WSCD1: variants seen among roughly 807,000 people sequenced by gnomAD.
WSCD1 encodes the protein sialate:O-sulfotransferase 1.
A neutral mutation model predicts 60.4 loss-of-function variants in WSCD1; 41 were observed. The ratio of observed to expected loss-of-function variants is 0.68; its 90% CI spans 0.53 to 0.88. The LOEUF (loss-of-function observed/expected upper bound fraction) is 0.88, where lower values mean the gene tolerates loss of function less well. WSCD1 is among the 40% of genes least tolerant of loss of function. WSCD1 has a pLI of 0.00. For synonymous variants in WSCD1, 361 were observed against 332.5 expected (o/e 1.09, Z -0.93); for missense variants, 784 against 796.2 (o/e 0.98, Z 0.18).
intron 7 of WSCD1, among the ~76,000 whole-genome samples, chr17:6,115,541 G>A (rs1911645016): frequency 6.6e-6 from 1 of 152,098 alleles, no homozygotes; most frequent in Non-Finnish European, 1.5e-5. Context: ...GTATTTCTCT[G>A]TTGTCAAGCA....
In WSCD1 at chr17:6,090,429, G is replaced by C; in HGVS notation, c.651G>C (p.Glu217Asp). ...LEECNHECKG[E>D]KGSVCGAVDR... ...AGTGTAACCATGAGTGCAAAGGCGA[G>C]AAGGGCTCTGTGTGCGGGGCTGTGG... Residue 217 changes from glutamate to aspartate, a missense_variant, in exon 4 of 9, where the codon GAG becomes GAC. Physicochemically the swap from Glu to Asp is conservative, Grantham distance 45. Coordinates refer to ENST00000317744, the MANE Select transcript of WSCD1 (RefSeq NM_015253.2). 2 of 1,613,266 alleles carry C rather than the reference G, an allele frequency of 1.2e-6. No homozygotes were observed. The highest frequency in any genetic ancestry group is 1.7e-4 in the Middle Eastern group (1 of 6,058).
chr17:6,116,209 A>G (rs1049574115), intron 7 of WSCD1, among the ~76,000 whole-genome samples: 2 of 152,148 alleles, frequency 1.3e-5, no homozygotes, highest in African/African-American at 2.4e-5. Flanking sequence ...TTCATCTCCA[A>G]GGCCCTTACC....
chr17:6,092,407 C>T (rs1224169277), intron 4 of WSCD1, among the ~76,000 whole-genome samples: 2 of 152,058 alleles, frequency 1.3e-5, no homozygotes, highest in Non-Finnish European at 2.9e-5. Context: ...TCTGGGAGCT[C>T]AGGGGTCCAG....
chr17:6,096,626 G>A (rs534281621), intron 5 of WSCD1, among the ~76,000 whole-genome samples: 4 of 152,246 alleles, frequency 2.6e-5, no homozygotes, highest in African/African-American at 7.2e-5. Flanking sequence ...GAGCCAAAAA[G>A]GCAGTTTGTT....
At chr17:6,091,515 C>T (rs1442148032) in intron 4 of WSCD1, among the ~76,000 whole-genome samples, 1 of 152,114 alleles carries the variant, frequency 6.6e-6, no homozygotes, top group Non-Finnish European at 1.5e-5. Context: ...GAATTGGACC[C>T]TGAAGGGGCC....
intron 4 of WSCD1, among the ~76,000 whole-genome samples, chr17:6,092,681 A>G (rs747122787): frequency 6.6e-5 from 10 of 152,052 alleles, no homozygotes; most frequent in Admixed American, 1.3e-4. Flanking sequence ...CCTGCCCCCA[A>G]GTAAGACCAA....
rs1030064972 is a variant in WSCD1 at position 6,105,222 on chromosome 17, C to G, written c.850-4385C>G. On this transcript the variant is annotated intron_variant, in intron 5 of 8. Transcript: ENST00000317744. ...CACTAGCCGTGCGTCCAGACCGACC[C>G]AGGCTCAGGCTGTAGATGCAGGATC... Among the ~76,000 whole-genome samples the G allele has an allele frequency of 6.0e-4, 91 of 152,178 alleles. 1 individual carries two copies. The highest frequency in any genetic ancestry group is 9.4e-4 in the Non-Finnish European group (64 of 68,030).
intron 1 of WSCD1, among the ~76,000 whole-genome samples, chr17:6,074,751 G>C (rs918263271): frequency 6.6e-6 from 1 of 152,274 alleles, no homozygotes; most frequent in Non-Finnish European, 1.5e-5. Context: ...GAGGGTGCTT[G>C]ACGCCTCTCT....
intron 1 of WSCD1, among the ~76,000 whole-genome samples, chr17:6,077,456 A>C (rs1179900225): frequency 6.6e-6 from 1 of 152,138 alleles, no homozygotes; most frequent in Non-Finnish European, 1.5e-5. Flanking sequence ...TGATTTTAAA[A>C]GTTGGGAGTG....
chr17:6,098,377 T>A (rs534595890), intron 5 of WSCD1, among the ~76,000 whole-genome samples: 1 of 152,222 alleles, frequency 6.6e-6, no homozygotes, highest in Non-Finnish European at 1.5e-5. Flanking sequence ...TAAATCCAGA[T>A]TGCTGCAGTT....
At chr17:6,087,562 G>A (rs1268794475) in intron 2 of WSCD1, among the ~76,000 whole-genome samples, 1 of 152,128 alleles carries the variant, frequency 6.6e-6, no homozygotes, top group Non-Finnish European at 1.5e-5. Flanking sequence ...CTTCTCTCTG[G>A]CCCCCAAGGA....
intron 1 of WSCD1, among the ~76,000 whole-genome samples, chr17:6,071,683 C>T (rs562378881): frequency 6.6e-6 from 1 of 152,222 alleles, no homozygotes; most frequent in Non-Finnish European, 1.5e-5. Flanking sequence ...TTGTCAGGCA[C>T]AGAAAGTGAG....
rs961267997 is a variant in WSCD1 at position 6,074,295 on chromosome 17, C to A, written c.-289+3643C>A. On this transcript the variant is annotated intron_variant, in intron 1 of 8. Coordinates refer to ENST00000317744, the MANE Select transcript of WSCD1 (RefSeq NM_015253.2). ...TTGCATTTCCCAGACCTTGTTCCCCCAAAGGGCCCAACAGATTTTTGTTTA... is the reference window on the plus strand; with the variant it reads ...TTGCATTTCCCAGACCTTGTTCCCCAAAAGGGCCCAACAGATTTTTGTTTA... Among the ~76,000 whole-genome samples, 6 of 152,332 alleles carry A rather than the reference C, an allele frequency of 3.9e-5. No homozygotes were observed. The East Asian group carries it at 9.7e-4, about 25-fold the overall frequency.
intron 7 of WSCD1, among the ~76,000 whole-genome samples, chr17:6,111,607 A>G (rs934188940): frequency 6.6e-6 from 1 of 150,492 alleles, no homozygotes; most frequent in Non-Finnish European, 1.5e-5. Flanking sequence ...AGGCTGAGGC[A>G]GGAGAATTGC....
chr17:6,073,221 G>A (rs1040396700), intron 1 of WSCD1, among the ~76,000 whole-genome samples: 3 of 152,192 alleles, frequency 2.0e-5, no homozygotes, highest in African/African-American at 2.4e-5. Context: ...TCACTCCGTG[G>A]GGTTTCAACA....
intron 6 of WSCD1, 49 bp downstream of exon 6, chr17:6,109,815 G>T: frequency 6.3e-7 from 1 of 1,588,940 alleles, no homozygotes; most frequent in Non-Finnish European, 8.6e-7. Context: ...TGGGGGGTGG[G>T]GAGAGCTTCC....
intron 7 of WSCD1, among the ~76,000 whole-genome samples, 180 bp downstream of exon 7, chr17:6,111,115 G>A (rs983783839): frequency 6.6e-5 from 10 of 152,020 alleles, no homozygotes; most frequent in African/African-American, 1.7e-4. Flanking sequence ...AGACCAGCCC[G>A]CCTGGTGGTC....
At chr17:6,072,849 A>G (rs540544874) in intron 1 of WSCD1, among the ~76,000 whole-genome samples, 1 of 152,312 alleles carries the variant, frequency 6.6e-6, no homozygotes, top group African/African-American at 2.4e-5. Context: ...CACTTGGAGA[A>G]TGTGGTCAGG....
At position 6,095,076 on chromosome 17, in the gene WSCD1, C is replaced by G. The variant is rs1424871858; in HGVS notation, c.728-26C>G. The stretch of plus-strand genomic sequence containing the variant: ...ACCAACAACTGGACACCATCTCTTA[C>G]CAGAAACCCCTCTCTTTTCCCCCAG... On this transcript the variant is annotated intron_variant, in intron 4 of 8. Transcript: ENST00000317744. 1.9e-6 allele frequency: 3 copies of G among 1,598,870 alleles called. No individual in the cohort carries two copies. The South Asian group carries it at 3.4e-5, about 18-fold the overall frequency.
Sources: allele counts gnomAD v4.1 joint callset (sites outside exome capture counted in the v4.1 genomes callset), GRCh38; gene constraint gnomAD v4.1.1; transcripts MANE v1.5; gene names NCBI Gene and HGNC (gene_info 2026-07-23, HGNC 2026-07-21).